The following PMS1 variants were observed in gnomAD, a reference collection of about 807,000 sequenced individuals.
The protein encoded by PMS1 is PMS1 protein homolog 1.
PMS1 carries 79 observed loss-of-function variants against 93.1 expected under a neutral mutation model. That is an observed-to-expected ratio of 0.85 (90% CI 0.71 to 1.02). The LOEUF (loss-of-function observed/expected upper bound fraction) is 1.02, where lower values mean the gene tolerates loss of function less well. Ranked by LOEUF, PMS1 falls within the 50% of genes least tolerant of loss-of-function variation. The pLI is 0.00. For synonymous variants in PMS1, 335 were observed against 363.4 expected (o/e 0.92, Z 0.89); for missense variants, 1,064 against 1,085.3 (o/e 0.98, Z 0.28).
At chr2:189,855,630 A>T (rs547190671) in intron 9 of PMS1, among the ~76,000 whole-genome samples, 1 of 152,088 alleles carries the variant, frequency 6.6e-6, no homozygotes, top group South Asian at 2.1e-4. Context: ...GTTCATTTAT[A>T]CTGTTTCTAT....
Position 189,794,290 on chromosome 2 carries a change from T to C in PMS1, c.133-1479T>C, listed in dbSNP as rs566602489. Among the ~76,000 whole-genome samples the C allele has an allele frequency of 2.0e-5, 3 of 151,896 alleles. No homozygotes were observed. In the East Asian group the frequency reaches 5.9e-4, roughly 30 times the overall value. ...ACCATGCCCGGCTAATTTTTTGTAT[T>C]TTTAGTAGTGACCGAGGTTTCACCA... is the stretch of plus-strand genomic sequence containing the variant. On this transcript the variant is annotated intron_variant, in intron 2 of 12. Coordinates refer to ENST00000441310, the MANE Select transcript of PMS1 (RefSeq NM_000534.5).
At chr2:189,869,637 C>T (rs775644659) in intron 11 of PMS1, among the ~76,000 whole-genome samples, 3 of 151,824 alleles carry the variant, frequency 2.0e-5, no homozygotes, top group Admixed American at 6.6e-5. Flanking sequence ...GCCAACACGG[C>T]GAAATACTGT....
chr2:189,867,674 C>CTTA (rs938175381), intron 10 of PMS1, 125 bp from the exon 11 acceptor site: 64 of 687,042 alleles, frequency 9.3e-5, no homozygotes, highest in Non-Finnish European at 5.2e-5. Flanking sequence ...CATAGGGCTA[C>CTTA]TTATACCTTT....
At chr2:189,823,413 C>G (rs1387348903) in intron 5 of PMS1, among the ~76,000 whole-genome samples, 1 of 151,868 alleles carries the variant, frequency 6.6e-6, no homozygotes, top group Non-Finnish European at 1.5e-5. Context: ...CTAATGCTAT[C>G]CCTCCCCCTT....
At chr2:189,872,228 C>T (rs2057212738) in intron 11 of PMS1, among the ~76,000 whole-genome samples, 1 of 152,082 alleles carries the variant, frequency 6.6e-6, no homozygotes, top group Non-Finnish European at 1.5e-5. Context: ...TCCAGTTGTT[C>T]TCTGGGAAAA....
At chr2:189,832,534 C>T (rs1359542890) in intron 5 of PMS1, among the ~76,000 whole-genome samples, 2 of 152,038 alleles carry the variant, frequency 1.3e-5, no homozygotes, top group Admixed American at 6.6e-5. Flanking sequence ...GGCACAATCT[C>T]GGCTTATTGC....
chr2:189,786,119 CAAAAAAT>C (rs914020226), intron 1 of PMS1, among the ~76,000 whole-genome samples: 8 of 151,692 alleles, frequency 5.3e-5, no homozygotes, highest in African/African-American at 1.5e-4. Context: ...GACCCTGTCA[CAAAAAAT>C]AAAAAATAAA....
intron 4 of PMS1, among the ~76,000 whole-genome samples, chr2:189,817,104 C>A (rs1230500531): frequency 6.6e-6 from 1 of 152,166 alleles, no homozygotes; most frequent in Non-Finnish European, 1.5e-5. Flanking sequence ...CTACTGGCAT[C>A]TAGTGGGTAA....
At chr2:189,852,120 T>G (rs952872763) in intron 6 of PMS1, among the ~76,000 whole-genome samples, 2 of 152,124 alleles carry the variant, frequency 1.3e-5, no homozygotes, top group Non-Finnish European at 2.9e-5. Flanking sequence ...AGTACAACAG[T>G]GCAATCAGTA....
intron 6 of PMS1, 114 bp from the exon 7 acceptor site, chr2:189,852,541 G>C (rs1239524702): frequency 2.3e-6 from 2 of 878,856 alleles, no homozygotes; most frequent in African/African-American, 3.4e-5. Context: ...TGGCTTTTTA[G>C]ACCTTAAGAT....
chr2:189,826,984 G>A (rs2052490649), intron 5 of PMS1, among the ~76,000 whole-genome samples: 1 of 151,778 alleles, frequency 6.6e-6, no homozygotes, highest in Non-Finnish European at 1.5e-5. Flanking sequence ...TGTATTTAGG[G>A]AGTATATTTT....
At chr2:189,842,148 C>T (rs2053868431) in intron 5 of PMS1, among the ~76,000 whole-genome samples, 1 of 151,886 alleles carries the variant, frequency 6.6e-6, no homozygotes, top group Admixed American at 6.6e-5. Context: ...GAACTGTTCT[C>T]ACACTCTTGA....
chr2:189,819,088 C>T (rs2051590334), intron 5 of PMS1, among the ~76,000 whole-genome samples: 1 of 152,156 alleles, frequency 6.6e-6, no homozygotes, highest in South Asian at 2.1e-4. Flanking sequence ...TCTATCATTC[C>T]ACACTCTATG....
chr2:189,819,885 TC>T (rs2051675552), intron 5 of PMS1, among the ~76,000 whole-genome samples: 1 of 152,214 alleles, frequency 6.6e-6, no homozygotes, highest in South Asian at 2.1e-4. Flanking sequence ...ACTCCAGCTT[TC>T]TTTCCATTTT....
chr2:189,787,679 G>A lies in PMS1; in HGVS notation c.-21+3086G>A, dbSNP rs533239432. Among the ~76,000 whole-genome samples the A allele has an allele frequency of 1.3e-4, 19 of 151,976 alleles. No individual in the cohort carries two copies. The South Asian group carries it at 3.7e-3, about 30-fold the overall frequency. ...ATGTACATTATAGTTCTGTTGAACAGTGCTGGATAGAGTACTGGTTAAAAT... is the reference window on the plus strand; with the variant it reads ...ATGTACATTATAGTTCTGTTGAACAATGCTGGATAGAGTACTGGTTAAAAT... On this transcript the variant is annotated intron_variant, in intron 1 of 12. Transcript: ENST00000441310.
At chr2:189,835,116 C>G (rs921704161) in intron 5 of PMS1, among the ~76,000 whole-genome samples, 1 of 152,164 alleles carries the variant, frequency 6.6e-6, no homozygotes, top group Admixed American at 6.5e-5. Context: ...TTTCATCTGC[C>G]TAGCTCCTAT....
At position 189,867,819 on chromosome 2, in the gene PMS1, A is replaced by G. The variant is rs553828991; in HGVS notation, c.2363A>G (p.Tyr788Cys). 6.3e-7 allele frequency: 1 copy of G among 1,575,788 alleles called. No individual in the cohort carries two copies. Among genetic ancestry groups the G allele is most frequent in the Middle Eastern group, 1.7e-4 (1 of 5,980 alleles). Residue 788 changes from tyrosine (Y) to cysteine (C), a missense_variant, in exon 11 of 13, where the codon TAT (tyrosine) becomes TGT (cysteine). By Grantham distance (194) the Tyr-to-Cys change is radical (BLOSUM62 -2). Coordinates refer to ENST00000441310, the MANE Select transcript of PMS1 (RefSeq NM_000534.5). ...TTCAGTCTTTTTAATGGATCTCATTATTTAGACGTTTTATATAAAATGACA... is the reference window on the plus strand; with the variant it reads ...TTCAGTCTTTTTAATGGATCTCATTGTTTAGACGTTTTATATAAAATGACA... ...LTESLFNGSH[Y>C]LDVLYKMTAD...
intron 11 of PMS1, among the ~76,000 whole-genome samples, chr2:189,870,139 TTTTCTTTCTTCA>T (rs1305656237): frequency 6.6e-6 from 1 of 152,228 alleles, no homozygotes; most frequent in African/African-American, 2.4e-5. Flanking sequence ...GATATTTATG[TTTTCTTTCTTCA>T]TTTCTTTGTT....
At chr2:189,870,147 C>A (rs1372406463) in intron 11 of PMS1, among the ~76,000 whole-genome samples, 1 of 151,960 alleles carries the variant, frequency 6.6e-6, no homozygotes, top group East Asian at 1.9e-4. Flanking sequence ...TGTTTTCTTT[C>A]TTCATTTCTT....
Sources: gnomAD v4.1 joint callset for allele counts (sites outside exome capture counted in the v4.1 genomes callset) on GRCh38, gnomAD v4.1.1 for gene constraint, MANE v1.5 for transcripts, NCBI Gene and HGNC (gene_info 2026-07-23, HGNC 2026-07-21) for gene names.